FAM107A: variants seen among roughly 807,000 people sequenced by gnomAD.
FAM107A encodes the protein family with sequence similarity 107 member A.
A neutral mutation model predicts 13.7 loss-of-function variants in FAM107A; 19 were observed. The observed-to-expected ratio is 1.38, with a 90% CI of 0.97 to 2.03. The LOEUF (loss-of-function observed/expected upper bound fraction) is 2.03. Ranked by LOEUF, FAM107A falls within the 30% of genes most tolerant of loss-of-function variation. The pLI is 0.00. For synonymous variants in FAM107A, 82 were observed against 74.5 expected (o/e 1.10, Z -0.52); for missense variants, 203 against 184.4 (o/e 1.10, Z -0.58).
chr3:58,627,276 C>T (rs1363908808), intron 1 of FAM107A: 1 of 457,614 alleles, frequency 2.2e-6, no homozygotes, highest in East Asian at 3.4e-5. Context: ...CCTCCCAGAA[C>T]CCTGCCTCTC....
rs113471446 is a variant in FAM107A, at chr3:58,601,313, A to C, written c.-69-12044T>G. On this transcript the variant is annotated intron_variant, in intron 1 of 3. Transcript: ENST00000465970. ...AACTGATGTAAGTAATTTCTTATGC[A>C]TCTCTCCAGGAATTGTCTCTGCTTC... Among the ~76,000 whole-genome samples the C allele has an allele frequency of 5.8e-3, 882 of 152,304 alleles. 13 individuals carry two copies. Among genetic ancestry groups the C allele is most frequent in the African/African-American group, 0.02 (834 of 41,578 alleles).
upstream of FAM107A, among the ~76,000 whole-genome samples, chr3:58,580,518 G>A (rs578039687): frequency 2.0e-5 from 3 of 150,290 alleles, no homozygotes; most frequent in East Asian, 2.0e-4. Context: ...GGGATCAAGC[G>A]AGCCTCCCAC....
chr3:58,598,403 C>T (rs547896757), intron 1 of FAM107A, among the ~76,000 whole-genome samples: 2 of 152,164 alleles, frequency 1.3e-5, no homozygotes, highest in Admixed American at 1.3e-4. Context: ...GTCTCCAGGG[C>T]CTTCTCACGC....
intron 1 of FAM107A, among the ~76,000 whole-genome samples, chr3:58,595,978 G>A (rs1470959838): frequency 6.6e-6 from 1 of 152,190 alleles, no homozygotes. Context: ...GGGAGATGCT[G>A]GCTTAATTAT....
In FAM107A at chr3:58,584,368, G is replaced by A. The variant is rs117106007; in HGVS notation, c.79+2490C>T. Reference sequence around the variant, plus strand: ...GAATAAATGAATGAAGGGAGTTGATGAGATGGCAGATGTACAGCAGAGATG... The same window carrying A: ...GAATAAATGAATGAAGGGAGTTGATAAGATGGCAGATGTACAGCAGAGATG... On this transcript the variant is annotated intron_variant, in intron 1 of 3. Transcript: ENST00000447756. Among the ~76,000 whole-genome samples the A allele has an allele frequency of 1.6e-4, 24 of 152,326 alleles. No homozygotes were observed. The East Asian group carries it at 4.6e-3, about 29-fold the overall frequency.
chr3:58,608,793 C>T (rs555788584), intron 1 of FAM107A: 4 of 152,380 alleles, frequency 2.6e-5, no homozygotes, highest in East Asian at 1.9e-4. Context: ...CAGGCAAGAT[C>T]GCGTTTCCCC....
intron 1 of FAM107A, among the ~76,000 whole-genome samples, chr3:58,570,574 C>T (rs541083863): frequency 9.4e-6 from 1 of 105,854 alleles, no homozygotes; most frequent in Non-Finnish European, 1.9e-5. Context: ...TGCCCAAAAG[C>T]AAATACAGCA....
At position 58,567,277 on chromosome 3, in the gene FAM107A, C is replaced by T. The variant is rs2063631885; in HGVS notation, c.258G>A (p.Glu86=). ...RNQLIKKKKE[E]LEAKRLQCPF... is the part of the protein sequence containing the mutation. Reference sequence around the variant, plus strand: ...GGCACTGCAGCCGCTTGGCTTCCAGCTCCTCCTTCTTCTTCTTGATGAGCT... The same window carrying T: ...GGCACTGCAGCCGCTTGGCTTCCAGTTCCTCCTTCTTCTTCTTGATGAGCT... The change falls in exon 3 of 4, where the codon GAG becomes GAA. Residue 86 remains glutamate (E), a synonymous_variant. Transcript: ENST00000360997. 1 of 1,613,804 alleles carries T rather than the reference C, an allele frequency of 6.2e-7. No individual in the cohort carries two copies. The highest frequency in any genetic ancestry group is 8.5e-7 in the Non-Finnish European group (1 of 1,179,856).
upstream of FAM107A, among the ~76,000 whole-genome samples, chr3:58,588,464 G>A (rs1190541646): frequency 6.6e-6 from 1 of 152,208 alleles, no homozygotes; most frequent in African/African-American, 2.4e-5. Flanking sequence ...TGTCCTGAAA[G>A]CCCATCTGCC....
chr3:58,569,918 G>T lies in FAM107A; in HGVS notation c.-5-53C>A. 1 of 1,554,180 alleles carries T rather than the reference G, an allele frequency of 6.4e-7. No homozygotes were observed. Among genetic ancestry groups the T allele is most frequent in the Admixed American group, 1.9e-5 (1 of 54,050 alleles). On this transcript the variant is annotated intron_variant, in intron 1 of 3. Coordinates refer to ENST00000360997, the MANE Select transcript of FAM107A (RefSeq NM_001076778.3). The surrounding 1 kb of genome is among the most constrained non-coding windows in gnomAD (Gnocchi z 5.7). Reference sequence around the variant, plus strand: ...AGAGCTGAGCCTATAATCTCACCCTGCCCCATGGGACACAGTTGAAGGGCA... The same window carrying T: ...AGAGCTGAGCCTATAATCTCACCCTTCCCCATGGGACACAGTTGAAGGGCA...
intron 1 of FAM107A, among the ~76,000 whole-genome samples, chr3:58,599,295 C>A (rs1559483310): frequency 6.6e-6 from 1 of 152,176 alleles, no homozygotes; most frequent in Non-Finnish European, 1.5e-5. Context: ...ATGCTTGCTG[C>A]CTTTCTGTCC....
chr3:58,622,331 C>T (rs1427898388), intron 1 of FAM107A, among the ~76,000 whole-genome samples: 2 of 152,148 alleles, frequency 1.3e-5, no homozygotes, highest in Admixed American at 6.5e-5. Flanking sequence ...ATCTTAGTTA[C>T]TTGGGAGACT....
At chr3:58,616,143 G>A (rs961890168) in intron 1 of FAM107A, among the ~76,000 whole-genome samples, 3 of 152,090 alleles carry the variant, frequency 2.0e-5, no homozygotes, top group South Asian at 2.1e-4. Flanking sequence ...GGGTTTTACC[G>A]GAGAGAAGAG....
chr3:58,614,578 C>G (rs1001941303), intron 1 of FAM107A, among the ~76,000 whole-genome samples: 1 of 150,576 alleles, frequency 6.6e-6, no homozygotes, highest in Non-Finnish European at 1.5e-5. Flanking sequence ...GATCTCGGCT[C>G]ACTGCAAACT....
intron 1 of FAM107A, among the ~76,000 whole-genome samples, chr3:58,621,441 C>T (rs1358572017): frequency 6.6e-6 from 1 of 152,128 alleles, no homozygotes; most frequent in Non-Finnish European, 1.5e-5. Flanking sequence ...CAAGGGACCC[C>T]ACATTTTCAT....
chr3:58,569,644 C>G lies in FAM107A; in HGVS notation c.170+47G>C. The G allele has an allele frequency of 6.6e-7, 1 of 1,520,530 alleles. No individual in the cohort carries two copies. 94.2% of individuals were successfully genotyped at this position (1,520,530 alleles called of 1,614,324 possible). A position where few individuals can be genotyped will look rare whatever the true frequency, so the allele number is the denominator to read the frequency against. On this transcript the variant is annotated intron_variant, in intron 2 of 3. Coordinates refer to ENST00000360997, the MANE Select transcript of FAM107A (RefSeq NM_001076778.3). This position sits in a 1 kb window ranked among gnomAD's most constrained non-coding sequence, Gnocchi z 5.7. ...CCAGGGTCACCTTCCCCATCCCCCA[C>G]AGGCCCAGGTGCTTGCGGGGCCCAG...
At chr3:58,589,150 G>C, upstream of FAM107A, 1 of 1,126,068 alleles carries the variant, frequency 8.9e-7, no homozygotes, top group Non-Finnish European at 1.3e-6. Context: ...CTTTTGTGGA[G>C]TATCTGAAGG....
At chr3:58,568,123 A>AT (rs1559473540) in intron 2 of FAM107A, among the ~76,000 whole-genome samples, 1 of 150,066 alleles carries the variant, frequency 6.7e-6, no homozygotes. Context: ...CTTTTTATTC[A>AT]TTTTTTCCTT....
upstream of FAM107A, among the ~76,000 whole-genome samples, chr3:58,581,022 G>A (rs1223473734): frequency 4.6e-5 from 7 of 152,182 alleles, no homozygotes; most frequent in African/African-American, 7.2e-5. Flanking sequence ...CCTTTGAGGC[G>A]TTTACTCCAG....
Sources: allele counts gnomAD v4.1 joint callset (sites outside exome capture counted in the v4.1 genomes callset), GRCh38; gene constraint gnomAD v4.1.1; non-coding constraint Gnocchi (gnomAD v3.1); transcripts MANE v1.5; gene names NCBI Gene and HGNC (gene_info 2026-07-23, HGNC 2026-07-21).